ZFP62: variants seen among roughly 807,000 people sequenced by gnomAD.
ZFP62 encodes zinc finger protein 62 homolog.
In ZFP62, 44 loss-of-function variants were observed where a neutral mutation model predicts 56.4. That is an observed-to-expected ratio of 0.78 (90% CI 0.61 to 1.00). ZFP62 has a LOEUF of 1.00. Among genes scored for constraint, ZFP62 ranks in the 50% least tolerant of loss-of-function variants. The probability of loss-of-function intolerance (pLI) is 0.00; values close to 1 mark genes in which losing one functional copy is unlikely to be tolerated. For synonymous variants in ZFP62, 421 were observed against 388.9 expected, an observed-to-expected ratio of 1.08 and a Z score of -0.97; for missense variants, 1,030 against 1,085.7, an observed-to-expected ratio of 0.95 and a Z score of 0.72.
chr5:180,853,918 C>G (rs1242025622), intron 1 of ZFP62, among the ~76,000 whole-genome samples: 1 of 152,140 alleles, frequency 6.6e-6, no homozygotes, highest in Non-Finnish European at 1.5e-5. Flanking sequence ...GAAAATGAAC[C>G]TTGGGATGAA....
chr5:180,829,144 C>G, the ZFP62 span, among the ~76,000 whole-genome samples: 5 of 152,194 alleles, frequency 3.3e-5, no homozygotes, highest in African/African-American at 7.2e-5. Context: ...GGAGTTCTGC[C>G]TTTTGCCCCT....
Position 180,850,611 on chromosome 5 carries a change from C to A in ZFP62, c.884G>T (p.Gly295Val). ...GTGGATCCTTTTATGGACCCTAAGGCCAGAGCTGTTACTGAAGGTTTTCCC... is the reference window on the plus strand; with the variant it reads ...GTGGATCCTTTTATGGACCCTAAGGACAGAGCTGTTACTGAAGGTTTTCCC... ...ICGKTFSNSSGLRVHKRIHTG... is the reference protein window; with the variant it reads ...ICGKTFSNSSVLRVHKRIHTG... Residue 295 changes from glycine to valine, a missense_variant, in exon 2 of 2, where the codon GGC (glycine) becomes GTC (valine). Gly to Val is a moderately radical substitution (Grantham distance 109). Transcript: ENST00000502412. The A allele has an allele frequency of 6.4e-7, 1 of 1,566,204 alleles. No individual in the cohort carries two copies. Among genetic ancestry groups the A allele is most frequent in the Non-Finnish European group, 8.7e-7 (1 of 1,155,530 alleles).
intron 1 of ZFP62, among the ~76,000 whole-genome samples, chr5:180,852,625 A>G (rs2113692939): frequency 6.6e-6 from 1 of 152,060 alleles, no homozygotes; most frequent in East Asian, 1.9e-4. Flanking sequence ...TAAACTCCAT[A>G]TGGAATAGAG....
downstream of ZFP62, among the ~76,000 whole-genome samples, chr5:180,842,829 G>A (rs966492734): frequency 1.2e-4 from 18 of 152,046 alleles, no homozygotes; most frequent in East Asian, 1.3e-3. Flanking sequence ...ATCACCTGAG[G>A]TCAGGAGTTC....
At chr5:180,834,586 G>A in the ZFP62 span, 4 of 152,272 alleles carry the variant, frequency 2.6e-5, no homozygotes, top group African/African-American at 9.7e-5. Context: ...CTTGATCTTG[G>A]ACTTGCCAGC....
downstream of ZFP62, among the ~76,000 whole-genome samples, chr5:180,844,378 A>C (rs370498546): frequency 3.9e-5 from 6 of 152,194 alleles, no homozygotes; most frequent in East Asian, 1.2e-3. Flanking sequence ...GAGGAACTTC[A>C]CCTGCTCCTC....
chr5:180,851,330 C>CT lies in ZFP62; in HGVS notation c.164dup (p.Pro56AlafsTer33). 1 of 1,551,666 alleles carries CT rather than the reference C, an allele frequency of 6.4e-7. No homozygotes were observed. Among genetic ancestry groups the CT allele is most frequent in the African/African-American group, 1.4e-5 (1 of 73,146 alleles). On this transcript the variant is annotated frameshift_variant, in exon 2 of 2. Coordinates refer to ENST00000502412, the MANE Select transcript of ZFP62 (RefSeq NM_001172638.2). LOFTEE classifies it high-confidence loss of function. ...CCTCCTTCATCCTGTTTTCCACAGG[C>CT]TTTTTCTGTTGATTCTCTACCTTGC...
At chr5:180,851,845 A>G in intron 1 of ZFP62, 1 of 256,364 alleles carries the variant, frequency 3.9e-6, no homozygotes, top group Non-Finnish European at 6.6e-6. Context: ...TCATGGAAAA[A>G]CAAACAAGAG....
At chr5:180,853,383 T>C (rs776166401) in intron 1 of ZFP62, among the ~76,000 whole-genome samples, 2 of 152,208 alleles carry the variant, frequency 1.3e-5, no homozygotes, top group Non-Finnish European at 2.9e-5. Context: ...TTTCTCTTTA[T>C]AGCAACGATA....
rs569426491 is a variant in ZFP62 at position 180,858,650 on chromosome 5, T to C, written c.1+2569A>G. Among the ~76,000 whole-genome samples, 84 of 152,156 alleles carry C rather than the reference T, an allele frequency of 5.5e-4. 1 individual carries two copies. Among genetic ancestry groups the C allele is most frequent in the Admixed American group, 9.8e-4 (15 of 15,276 alleles). On this transcript the variant is annotated intron_variant, in intron 1 of 1. Transcript: ENST00000502412. Reference sequence around the variant, plus strand: ...ACTCACACTAGTTGCAGTGGGAGAATGGATTGAGGCAAGACAGGACTGAGT... The same window carrying C: ...ACTCACACTAGTTGCAGTGGGAGAACGGATTGAGGCAAGACAGGACTGAGT...
At chr5:180,852,184 A>G in intron 1 of ZFP62, 1 of 183,682 alleles carries the variant, frequency 5.4e-6, no homozygotes. Context: ...GAAATTAATG[A>G]TACAGATGAT....
At chr5:180,840,907 C>A in the ZFP62 span, among the ~76,000 whole-genome samples, 1 of 151,754 alleles carries the variant, frequency 6.6e-6, no homozygotes, top group Non-Finnish European at 1.5e-5. Context: ...TCTGTTGTTA[C>A]ATGCTTGAGT....
At chr5:180,858,055 C>A (rs1774082246) in intron 1 of ZFP62, among the ~76,000 whole-genome samples, 2 of 146,118 alleles carry the variant, frequency 1.4e-5, no homozygotes, top group African/African-American at 2.5e-5. Context: ...GAGTTTGAGA[C>A]CAGCCTGGCC....
Position 180,849,104 on chromosome 5 carries a change from G to C in ZFP62, c.2391C>G (p.His797Gln), listed in dbSNP as rs891703458. The C allele has an allele frequency of 5.1e-6, 8 of 1,555,000 alleles. No homozygotes were observed. The highest frequency in any genetic ancestry group is 1.4e-5 in the African/African-American group (1 of 72,994). ...CDECGKAYISHSSLINHKSVH... is the reference protein window; with the variant it reads ...CDECGKAYISQSSLINHKSVH... The stretch of plus-strand genomic sequence containing the variant: ...CACTTTTATGATTGATAAGACTTGA[G>C]TGTGAGATGTATGCCTTCCCACACT... The change falls in exon 2 of 2, where the codon CAC (histidine) becomes CAG (glutamine). Residue 797 changes from histidine (H) to glutamine (Q), a missense_variant. Transcript: ENST00000502412.
Position 180,848,928 on chromosome 5 carries a change from G to C in ZFP62, c.2567C>G (p.Thr856Ser). 6.4e-7 allele frequency: 1 copy of C among 1,551,652 alleles called. No individual in the cohort carries two copies. Among genetic ancestry groups the C allele is most frequent in the East Asian group, 2.4e-5 (1 of 40,918 alleles). Residue 856 changes from threonine (T) to serine (S), a missense_variant, in exon 2 of 2, where the codon ACC becomes AGC. Physicochemically the swap from Thr to Ser is moderately conservative, Grantham distance 58 (BLOSUM62 1). Coordinates refer to ENST00000502412, the MANE Select transcript of ZFP62 (RefSeq NM_001172638.2). The part of the protein sequence containing the change: ...GKAFNIRSNL[T>S]KHKRTHTGEE... ...TCCAGTATGGGTTCTTTTATGCTTG[G>C]TGAGATTTGATCTGATATTAAAAGC...
chr5:180,853,367 T>A (rs1581967746), intron 1 of ZFP62, among the ~76,000 whole-genome samples: 1 of 152,168 alleles, frequency 6.6e-6, no homozygotes, highest in South Asian at 2.1e-4. Flanking sequence ...AACAAGCACG[T>A]ATGTGTTTCT....
At chr5:180,844,592 G>C (rs1345432856), downstream of ZFP62, among the ~76,000 whole-genome samples, 1 of 152,190 alleles carries the variant, frequency 6.6e-6, no homozygotes, top group Non-Finnish European at 1.5e-5. Context: ...AGGCTGCCCA[G>C]GCCAGAAAGG....
chr5:180,861,230 G>T lies in ZFP62; in HGVS notation c.-11C>A. The T allele has an allele frequency of 2.5e-6, 1 of 398,118 alleles. No individual in the cohort carries two copies. The allele number at this position is 398,118 out of a possible 1,614,324, so 24.7% of individuals were successfully genotyped here. The stretch of plus-strand genomic sequence containing the variant: ...GCGGACTCACGTACTGGCTGTGGCG[G>T]CGCCGCGGGAACCCGGCCGCCAGCG... On this transcript the variant is annotated 5_prime_UTR_variant, in exon 1 of 2. Coordinates refer to ENST00000502412, the MANE Select transcript of ZFP62 (RefSeq NM_001172638.2).
the ZFP62 span, chr5:180,832,548 AT>A: frequency 6.6e-6 from 1 of 152,230 alleles, no homozygotes; most frequent in Non-Finnish European, 1.5e-5. Context: ...TAAGAAATGA[AT>A]ACAGCCATGC....
Sources: gnomAD v4.1 joint callset for allele counts (sites outside exome capture counted in the v4.1 genomes callset) on GRCh38, gnomAD v4.1.1 for gene constraint, MANE v1.5 for transcripts, NCBI Gene and HGNC (gene_info 2026-07-23, HGNC 2026-07-21) for gene names.